Variants in POU2F1 observed in about 807,000 individuals in gnomAD.
POU2F1 encodes the protein POU domain, class 2, transcription factor 1.
POU2F1 carries 16 observed loss-of-function variants against 84.9 expected under a neutral mutation model. The ratio of observed to expected loss-of-function variants is 0.19; its 90% CI spans 0.13 to 0.29. The LOEUF is 0.29. Among genes scored for constraint, POU2F1 ranks in the 10% least tolerant of loss-of-function variants. POU2F1 has a pLI of 1.00. For synonymous variants in POU2F1, 368 were observed against 368.3 expected, an observed-to-expected ratio of 1.00 and a Z score of 0.01; for missense variants, 738 against 942.6, an observed-to-expected ratio of 0.78 and a Z score of 2.84.
At chr1:167,239,169 C>CTAGTGTTCTTTTTCTGACATACG (rs1649722748) in intron 1 of POU2F1, among the ~76,000 whole-genome samples, 1 of 152,190 alleles carries the variant, frequency 6.6e-6, no homozygotes, top group South Asian at 2.1e-4. Flanking sequence ...GTCATTTAAC[C>CTAGTGTTCTTTTTCTGACATACG]TAGTGTTCTT....
chr1:167,341,095 C>T (rs1657819005), intron 2 of POU2F1, among the ~76,000 whole-genome samples: 1 of 152,150 alleles, frequency 6.6e-6, no homozygotes, highest in Non-Finnish European at 1.5e-5. Flanking sequence ...CTAATTCCTT[C>T]AAAAGATTTC....
intron 1 of POU2F1, among the ~76,000 whole-genome samples, chr1:167,222,387 T>C (rs2102315445): frequency 6.6e-6 from 1 of 152,312 alleles, no homozygotes; most frequent in East Asian, 1.9e-4. Flanking sequence ...CCGCCTCTCA[T>C]GTTTAGTAAT....
intron 7 of POU2F1, among the ~76,000 whole-genome samples, chr1:167,381,375 G>A (rs371458495): frequency 2.6e-5 from 4 of 152,104 alleles, no homozygotes; most frequent in South Asian, 2.1e-4. Flanking sequence ...GAGCCATGGC[G>A]CCTGGCCAAG....
At chr1:167,341,564 T>C (rs1657856567) in intron 2 of POU2F1, among the ~76,000 whole-genome samples, 1 of 152,086 alleles carries the variant, frequency 6.6e-6, no homozygotes, top group South Asian at 2.1e-4. Context: ...CTGCCCACAC[T>C]CAAACCTCTT....
intron 1 of POU2F1, among the ~76,000 whole-genome samples, chr1:167,318,325 A>G (rs753884512): frequency 6.6e-6 from 1 of 152,114 alleles, no homozygotes; most frequent in Admixed American, 6.5e-5. Flanking sequence ...ACTTCTTACC[A>G]TTTCTACCAT....
chr1:167,419,320 ATTC>A lies in POU2F1; in HGVS notation c.*3513_*3515del, dbSNP rs559276494. On this transcript the variant is annotated 3_prime_UTR_variant, in exon 16 of 16. Transcript: ENST00000367866. ...ATAGGTCATCACAATTCATTGTATT[ATTC>A]TTTTTTTTTCCCCTTAATGTTTATG... is the stretch of plus-strand genomic sequence containing the variant. 106 of 152,296 alleles carry A rather than the reference ATTC, an allele frequency of 7.0e-4. No individual in the cohort carries two copies. Among genetic ancestry groups the A allele is most frequent in the Admixed American group, 2.3e-3 (35 of 15,296 alleles). 9.4% of individuals were successfully genotyped at this position (152,296 alleles called of 1,614,324 possible).
intron 9 of POU2F1, among the ~76,000 whole-genome samples, chr1:167,392,466 T>A (rs934482624): frequency 6.6e-6 from 1 of 152,198 alleles, no homozygotes; most frequent in Non-Finnish European, 1.5e-5. Context: ...GCCTCAAGTT[T>A]TAAACTATTA....
chr1:167,312,015 A>C (rs182776262), intron 1 of POU2F1, among the ~76,000 whole-genome samples: 4 of 151,660 alleles, frequency 2.6e-5, no homozygotes, highest in African/African-American at 9.7e-5. Context: ...GCTCACTGCA[A>C]CCTCTGCCTC....
intron 2 of POU2F1, among the ~76,000 whole-genome samples, chr1:167,336,426 G>T (rs1411728338): frequency 6.6e-6 from 1 of 152,066 alleles, no homozygotes; most frequent in Non-Finnish European, 1.5e-5. Flanking sequence ...TGAGTATTTT[G>T]CATCCTGTTT....
chr1:167,413,901 A>T (rs1054296160), intron 15 of POU2F1, among the ~76,000 whole-genome samples: 3 of 152,032 alleles, frequency 2.0e-5, no homozygotes, highest in Non-Finnish European at 4.4e-5. Context: ...ACTTGAGGCC[A>T]TGAGTTCAAG....
chr1:167,344,479 A>G (rs1658062879), intron 2 of POU2F1, among the ~76,000 whole-genome samples: 1 of 152,170 alleles, frequency 6.6e-6, no homozygotes, highest in Non-Finnish European at 1.5e-5. Context: ...TTTTCATGGA[A>G]GCTCTATATG....
chr1:167,357,801 ATTTTTTTTTTT>A (rs71572451), intron 2 of POU2F1, among the ~76,000 whole-genome samples: 3 of 119,224 alleles, frequency 2.5e-5, no homozygotes, highest in South Asian at 2.7e-4. Context: ...TTATTAATTG[ATTTTTTTTTTT>A]TTTTTTTTTT....
intron 1 of POU2F1, among the ~76,000 whole-genome samples, chr1:167,297,250 C>T (rs957108741): frequency 2.0e-5 from 3 of 152,150 alleles, no homozygotes; most frequent in Admixed American, 2.0e-4. Context: ...ATTAATAACT[C>T]TTAATAATTT....
intron 5 of POU2F1, 134 bp downstream of exon 5, chr1:167,372,170 C>A: frequency 9.0e-7 from 1 of 1,113,350 alleles, no homozygotes; most frequent in Non-Finnish European, 1.3e-6. Flanking sequence ...CTTTAAGGAA[C>A]TTCCTACACT....
chr1:167,307,459 C>G (rs1282905449), intron 1 of POU2F1, among the ~76,000 whole-genome samples: 1 of 107,138 alleles, frequency 9.3e-6, no homozygotes, highest in Non-Finnish European at 1.9e-5. Flanking sequence ...CAAAGCCATA[C>G]TAGGATAACC....
At chr1:167,286,412 T>G (rs1043207207) in intron 1 of POU2F1, among the ~76,000 whole-genome samples, 1 of 152,206 alleles carries the variant, frequency 6.6e-6, no homozygotes, top group Non-Finnish European at 1.5e-5. Context: ...CTCTCCTGTT[T>G]AGAGCATTCA....
rs1488991610 is a variant in POU2F1, at chr1:167,420,952, A to G, written c.*5142A>G. ...AAAACATTAAAAGATGACTGATACT[A>G]ATGGGAGAAAAATACTAAAGACCCA... is the stretch of plus-strand genomic sequence containing the variant. On this transcript the variant is annotated 3_prime_UTR_variant, in exon 16 of 16. Coordinates refer to ENST00000367866, the MANE Select transcript of POU2F1 (RefSeq NM_002697.4). 6.6e-6 allele frequency: 1 copy of G among 152,264 alleles called. No homozygotes were observed. The highest frequency in any genetic ancestry group is 1.9e-4 in the East Asian group (1 of 5,202). The allele number at this position is 152,264 out of a possible 1,614,324, so 9.4% of individuals were successfully genotyped here. A position where few individuals can be genotyped will look rare whatever the true frequency, so the allele number is the denominator to read the frequency against.
chr1:167,260,501 G>C (rs1244295030), intron 1 of POU2F1, among the ~76,000 whole-genome samples: 1 of 152,024 alleles, frequency 6.6e-6, no homozygotes, highest in African/African-American at 2.4e-5. Context: ...TTTACCTTTT[G>C]ATCCTTAGTC....
At chr1:167,409,436 C>G (rs1292391635) in intron 13 of POU2F1, among the ~76,000 whole-genome samples, 1 of 152,122 alleles carries the variant, frequency 6.6e-6, no homozygotes, top group East Asian at 1.9e-4. Flanking sequence ...ACAATAAGTT[C>G]ACTAGTCAAA....
Sources: gnomAD v4.1 joint callset for allele counts (sites outside exome capture counted in the v4.1 genomes callset) on GRCh38, gnomAD v4.1.1 for gene constraint, MANE v1.5 for transcripts, NCBI Gene and HGNC (gene_info 2026-07-23, HGNC 2026-07-21) for gene names.